Variants in UBE2E2 observed in about 807,000 individuals in gnomAD.
The protein encoded by UBE2E2 is ubiquitin conjugating enzyme E2 E2, also known as ubiquitin-conjugating enzyme E2 E2.
A neutral mutation model predicts 24.7 loss-of-function variants in UBE2E2; 6 were observed. The observed-to-expected ratio is 0.24, with a 90% CI of 0.13 to 0.48. UBE2E2 has a LOEUF of 0.48. UBE2E2 is among the 20% of genes least tolerant of loss of function. The pLI, the probability that UBE2E2 is intolerant of heterozygous loss-of-function variation, is 0.99. For synonymous variants in UBE2E2, 104 were observed against 83.6 expected, an observed-to-expected ratio of 1.24 and a Z score of -1.33; for missense variants, 169 against 245.0, an observed-to-expected ratio of 0.69 and a Z score of 2.07.
intron 3 of UBE2E2, among the ~76,000 whole-genome samples, chr3:23,268,632 G>T (rs997656465): frequency 1.4e-5 from 2 of 148,076 alleles, no homozygotes. Context: ...ACTGCCCAAG[G>T]TAATTTATAG....
chr3:23,204,791 AT>A (rs1559437680), intron 1 of UBE2E2: 2 of 974,356 alleles, frequency 2.1e-6, no homozygotes, highest in African/African-American at 3.5e-5. Context: ...CTATATATTT[AT>A]TTTACATTTT....
chr3:23,479,416 AG>A (rs1382185746), intron 3 of UBE2E2, among the ~76,000 whole-genome samples: 1 of 152,200 alleles, frequency 6.6e-6, no homozygotes, highest in Non-Finnish European at 1.5e-5. Flanking sequence ...TGGAGACCCC[AG>A]GAACAGCAGA....
chr3:23,425,607 A>G (rs1697907391), intron 3 of UBE2E2, among the ~76,000 whole-genome samples: 2 of 152,198 alleles, frequency 1.3e-5, no homozygotes, highest in Non-Finnish European at 2.9e-5. Flanking sequence ...TACAGAGAAC[A>G]GGAGCAGAAG....
chr3:23,487,633 T>C (rs1323088115), intron 3 of UBE2E2, among the ~76,000 whole-genome samples: 1 of 152,216 alleles, frequency 6.6e-6, no homozygotes, highest in Non-Finnish European at 1.5e-5. Context: ...ATCAACTTTC[T>C]GGAGTAGCTA....
intron 3 of UBE2E2, among the ~76,000 whole-genome samples, chr3:23,239,137 T>G (rs1697190829): frequency 6.6e-6 from 1 of 152,172 alleles, no homozygotes; most frequent in South Asian, 2.1e-4. Flanking sequence ...TAACATTTTC[T>G]TATTAGTTTA....
rs1695767308 is a variant in UBE2E2 at position 23,555,893 on chromosome 3, G to A, written c.508+23192G>A. ...TGTAGTGTGGGGAAGGAACTGGAAA[G>A]ATGTAGGTCAAAGGATATAAAGTAA... On this transcript the variant is annotated intron_variant, in intron 5 of 5. Coordinates refer to ENST00000396703, the MANE Select transcript of UBE2E2 (RefSeq NM_152653.4). Among the ~76,000 whole-genome samples the A allele has an allele frequency of 2.0e-5, 3 of 152,250 alleles. No homozygotes were observed. In the South Asian group the frequency reaches 6.2e-4, roughly 32 times the overall value.
chr3:23,480,878 A>G (rs1699245579), intron 3 of UBE2E2, among the ~76,000 whole-genome samples: 2 of 152,278 alleles, frequency 1.3e-5, no homozygotes, highest in Middle Eastern at 3.4e-3. Context: ...AGAAATATTA[A>G]CCAAATACTT....
intron 3 of UBE2E2, among the ~76,000 whole-genome samples, chr3:23,416,858 G>A (rs1354003406): frequency 6.6e-6 from 1 of 152,070 alleles, no homozygotes; most frequent in South Asian, 2.1e-4. Context: ...TGATACTTGT[G>A]TATGCTCCAC....
intron 3 of UBE2E2, among the ~76,000 whole-genome samples, chr3:23,430,476 A>C (rs1233232936): frequency 6.7e-6 from 1 of 149,482 alleles, no homozygotes; most frequent in Non-Finnish European, 1.5e-5. Context: ...CACATTAAGC[A>C]CTTAATATGT....
rs116167672 is a variant in UBE2E2, at chr3:23,253,938, A to T, written c.227+36626A>T. Among the ~76,000 whole-genome samples, 106 of 152,306 alleles carry T rather than the reference A, an allele frequency of 7.0e-4. 1 individual carries two copies. Among genetic ancestry groups the T allele is most frequent in the African/African-American group, 2.5e-3 (104 of 41,570 alleles). ...GTGATCTTTCTTCTGACCTCTCTCA[A>T]ATAGGGTATATTAATTTTAAAATTT... On this transcript the variant is annotated intron_variant, in intron 3 of 5. Coordinates refer to ENST00000396703, the MANE Select transcript of UBE2E2 (RefSeq NM_152653.4).
intron 3 of UBE2E2, among the ~76,000 whole-genome samples, chr3:23,283,175 T>A (rs74940846): frequency 1.3e-5 from 2 of 152,206 alleles, no homozygotes; most frequent in East Asian, 3.9e-4. Context: ...GGTTAGTAGG[T>A]GATGTCCCAA....
intron 3 of UBE2E2, among the ~76,000 whole-genome samples, chr3:23,227,404 A>G (rs1044298519): frequency 6.6e-6 from 1 of 152,362 alleles, no homozygotes; most frequent in East Asian, 1.9e-4. Flanking sequence ...TAAACGTACA[A>G]TGTGAATAAC....
chr3:23,386,995 A>T (rs1575599248), intron 3 of UBE2E2, among the ~76,000 whole-genome samples: 1 of 152,222 alleles, frequency 6.6e-6, no homozygotes, highest in Non-Finnish European at 1.5e-5. Flanking sequence ...AAAGCATTTT[A>T]AAGTACCTGC....
intron 3 of UBE2E2, among the ~76,000 whole-genome samples, chr3:23,331,599 C>T (rs1695061120): frequency 6.6e-6 from 1 of 151,842 alleles, no homozygotes; most frequent in Non-Finnish European, 1.5e-5. Context: ...GAGGAGGGGA[C>T]AAGGTGTGCT....
At position 23,499,725 on chromosome 3, in the gene UBE2E2, G is replaced by C. The variant is rs779913284; in HGVS notation, c.345G>C (p.Pro115=). The change falls in exon 4 of 6, where the codon CCG becomes CCC. Residue 115 remains proline, a synonymous_variant. Coordinates refer to ENST00000396703, the MANE Select transcript of UBE2E2 (RefSeq NM_152653.4). ...FLDITFSPDY[P]FKPPKVTFRT... is the part of the protein sequence containing the mutation. ...ACATTACCTTTTCACCAGACTATCC[G>C]TTTAAACCCCCTAAGGTCAGTATGA... 2 of 1,613,624 alleles carry C rather than the reference G, an allele frequency of 1.2e-6. No individual in the cohort carries two copies. The highest frequency in any genetic ancestry group is 1.3e-5 in the African/African-American group (1 of 74,860).
At chr3:23,506,872 A>G (rs1694471446) in intron 4 of UBE2E2, among the ~76,000 whole-genome samples, 1 of 152,152 alleles carries the variant, frequency 6.6e-6, no homozygotes, top group African/African-American at 2.4e-5. Flanking sequence ...AGCTCAAGCA[A>G]TCCGTCCGCC....
At chr3:23,433,927 C>T (rs1698123508) in intron 3 of UBE2E2, among the ~76,000 whole-genome samples, 1 of 151,906 alleles carries the variant, frequency 6.6e-6, no homozygotes, top group African/African-American at 2.4e-5. Flanking sequence ...AAAGATTCCC[C>T]TTTTTTCTCA....
Position 23,561,674 on chromosome 3 carries a change from T to A in UBE2E2, c.509-28060T>A, listed in dbSNP as rs1345122852. On this transcript the variant is annotated intron_variant, in intron 5 of 5. Transcript: ENST00000396703. ...AAATTACCTTGGGCAGTGTGGCCATTTTCACGATACTGATTCTTCCTACCC... is the reference window on the plus strand; with the variant it reads ...AAATTACCTTGGGCAGTGTGGCCATATTCACGATACTGATTCTTCCTACCC... Among the ~76,000 whole-genome samples, 8 of 151,800 alleles carry A rather than the reference T, an allele frequency of 5.3e-5. No homozygotes were observed. The South Asian group carries it at 1.7e-3, about 32-fold the overall frequency.
At chr3:23,237,810 C>A (rs1323691846) in intron 3 of UBE2E2, among the ~76,000 whole-genome samples, 2 of 152,042 alleles carry the variant, frequency 1.3e-5, no homozygotes, top group Non-Finnish European at 2.9e-5. Context: ...ATGTATAAGG[C>A]CTTACTTAAA....
Sources: gnomAD v4.1 joint callset for allele counts (sites outside exome capture counted in the v4.1 genomes callset) on GRCh38, gnomAD v4.1.1 for gene constraint, MANE v1.5 for transcripts, NCBI Gene and HGNC (gene_info 2026-07-23, HGNC 2026-07-21) for gene names.